Variants in CSMD1 observed in about 807,000 individuals in gnomAD.
CSMD1 encodes CUB and sushi domain-containing protein 1.
In CSMD1, 213 loss-of-function variants were observed where a neutral mutation model predicts 417.5. That is an observed-to-expected ratio of 0.51 (90% confidence interval 0.46 to 0.57). CSMD1 has a LOEUF of 0.57. Among genes scored for constraint, CSMD1 ranks in the 20% least tolerant of loss-of-function variants. The pLI is 0.00. For missense variants in CSMD1, 6,923 were observed against 4,529.7 expected, an observed-to-expected ratio of 1.53 and a Z score of -15.17; for synonymous variants, 2,862 against 1,736.8, an observed-to-expected ratio of 1.65 and a Z score of -16.11.
In CSMD1 at chr8:3,335,994, T is replaced by C. The variant is rs115763861; in HGVS notation, c.3631+7300A>G. Among the ~76,000 whole-genome samples the C allele has an allele frequency of 2.9e-3, 439 of 152,248 alleles. 2 individuals are homozygous for C. Among genetic ancestry groups the C allele is most frequent in the African/African-American group, 0.01 (428 of 41,550 alleles). ...GGGCTAATTTACATGCAGAGGACGA[T>C]GAGTAATCCTTAAGCCTAGAAAACA... On this transcript the variant is annotated intron_variant, in intron 23 of 69. Coordinates refer to ENST00000635120, the MANE Select transcript of CSMD1 (RefSeq NM_033225.6).
At chr8:3,049,848 G>A (rs922527567) in intron 50 of CSMD1, among the ~76,000 whole-genome samples, 1 of 152,054 alleles carries the variant, frequency 6.6e-6, no homozygotes, top group African/African-American at 2.4e-5. Context: ...ATAGTGGGGA[G>A]GTATGCACAT....
intron 3 of CSMD1, among the ~76,000 whole-genome samples, chr8:4,327,708 G>C (rs998490547): frequency 2.6e-5 from 4 of 152,168 alleles, no homozygotes; most frequent in Admixed American, 6.5e-5. Context: ...GGTATTAGAA[G>C]TTTAAAATGA....
At chr8:3,892,737 C>A (rs1410704748) in intron 5 of CSMD1, among the ~76,000 whole-genome samples, 1 of 86,318 alleles carries the variant, frequency 1.2e-5, no homozygotes. Context: ...TTTTTTTTTG[C>A]CACTTCTGTG....
Position 2,973,108 on chromosome 8 carries a change from G to GC in CSMD1, c.8923+8dup. On this transcript the variant is annotated intron_variant, in intron 57 of 69. Transcript: ENST00000635120. Reference sequence around the variant, plus strand: ...TTCAAGGTGGACCTTAAGGCTTCTGGCTACTCACCCTCACACACCGGCTGC... The same window carrying GC: ...TTCAAGGTGGACCTTAAGGCTTCTGGCCTACTCACCCTCACACACCGGCTGC... 1 of 1,611,846 alleles carries GC rather than the reference G, an allele frequency of 6.2e-7. No homozygotes were observed. Among genetic ancestry groups the GC allele is most frequent in the African/African-American group, 1.3e-5 (1 of 74,972 alleles).
intron 25 of CSMD1, among the ~76,000 whole-genome samples, chr8:3,296,976 T>G (rs905881284): frequency 6.6e-6 from 1 of 152,152 alleles, no homozygotes; most frequent in Non-Finnish European, 1.5e-5. Context: ...AACAAAGAAA[T>G]AGTTTATAAA....
At chr8:4,343,720 T>C (rs1266100345) in intron 3 of CSMD1, among the ~76,000 whole-genome samples, 1 of 152,120 alleles carries the variant, frequency 6.6e-6, no homozygotes, top group Non-Finnish European at 1.5e-5. Context: ...GAGCTTCGAC[T>C]AGGTCCATAA....
chr8:3,435,042 A>G (rs1445563049), intron 12 of CSMD1, among the ~76,000 whole-genome samples: 2 of 152,136 alleles, frequency 1.3e-5, no homozygotes, highest in East Asian at 3.9e-4. Flanking sequence ...CTGGTAGCAG[A>G]GAGGACAGAA....
At chr8:3,242,738 A>G (rs1413309611) in intron 26 of CSMD1, among the ~76,000 whole-genome samples, 1 of 151,464 alleles carries the variant, frequency 6.6e-6, no homozygotes, top group Non-Finnish European at 1.5e-5. Context: ...GAGAAAAGAG[A>G]GAGTAGAGAC....
chr8:3,958,575 G>T (rs1665182504), intron 5 of CSMD1, among the ~76,000 whole-genome samples: 1 of 152,030 alleles, frequency 6.6e-6, no homozygotes, highest in African/African-American at 2.4e-5. Flanking sequence ...TCATTTATCT[G>T]CTTGTTCTTT....
At chr8:3,865,874 A>G (rs972893698) in intron 5 of CSMD1, among the ~76,000 whole-genome samples, 5 of 152,220 alleles carry the variant, frequency 3.3e-5, no homozygotes, top group Non-Finnish European at 1.5e-5. Context: ...GTATACTAGA[A>G]TTATAAATAG....
chr8:3,010,682 A>C (rs1404026733), intron 52 of CSMD1, among the ~76,000 whole-genome samples: 2 of 147,476 alleles, frequency 1.4e-5, no homozygotes, highest in Non-Finnish European at 3.0e-5. Flanking sequence ...GGTTGCTCCC[A>C]CTCTCACCTG....
rs1182335321 is a variant in CSMD1, at chr8:4,788,327, G to A, written c.86-150769C>T. ...GAAGTAATGGTTTGGGACCAGTGAT[G>A]TCTGGGAACACTGCATATCCAGTTA... On this transcript the variant is annotated intron_variant, in intron 1 of 69. Transcript: ENST00000635120. 2.6e-5 allele frequency: 40 copies of A among 1,561,154 alleles called. 2 individuals carry two copies. Among genetic ancestry groups the A allele is most frequent in the African/African-American group, 2.3e-4 (17 of 74,094 alleles).
intron 11 of CSMD1, among the ~76,000 whole-genome samples, chr8:3,470,866 T>C (rs186720779): frequency 1.5e-3 from 221 of 152,346 alleles, no homozygotes; most frequent in African/African-American, 5.1e-3. Flanking sequence ...TTCCCTTTTA[T>C]CGCTGGGTAG....
chr8:3,790,039 T>G (rs1298488645), intron 5 of CSMD1, among the ~76,000 whole-genome samples: 1 of 152,200 alleles, frequency 6.6e-6, no homozygotes, highest in African/African-American at 2.4e-5. Context: ...CCGATCATGG[T>G]TAATATTAAT....
intron 12 of CSMD1, among the ~76,000 whole-genome samples, chr8:3,445,410 C>G (rs187531390): frequency 2.1e-4 from 32 of 152,228 alleles, no homozygotes; most frequent in African/African-American, 5.5e-4. Flanking sequence ...ATGACTGTGC[C>G]TACTTGCAGA....
chr8:3,874,100 T>A (rs1484775099), intron 5 of CSMD1, among the ~76,000 whole-genome samples: 1 of 152,200 alleles, frequency 6.6e-6, no homozygotes, highest in Non-Finnish European at 1.5e-5. Flanking sequence ...CAGGCTGGGT[T>A]CTTTCACTGC....
chr8:4,331,027 A>G (rs1799840959), intron 3 of CSMD1, among the ~76,000 whole-genome samples: 1 of 152,170 alleles, frequency 6.6e-6, no homozygotes, highest in African/African-American at 2.4e-5. Flanking sequence ...GCATTATCTT[A>G]CACATACTGC....
chr8:3,125,869 C>T (rs531038951), intron 41 of CSMD1, among the ~76,000 whole-genome samples: 3 of 152,060 alleles, frequency 2.0e-5, no homozygotes, highest in Non-Finnish European at 4.4e-5. Flanking sequence ...CCCAGCTACT[C>T]GGGAGGCTGA....
At chr8:4,660,113 G>GC (rs1804498215) in intron 1 of CSMD1, among the ~76,000 whole-genome samples, 1 of 66,414 alleles carries the variant, frequency 1.5e-5, no homozygotes, top group Non-Finnish European at 2.9e-5. Flanking sequence ...CTCAACCAGT[G>GC]CAAAAAAAAA....
Sources: gnomAD v4.1 joint callset for allele counts (sites outside exome capture counted in the v4.1 genomes callset) on GRCh38, gnomAD v4.1.1 for gene constraint, MANE v1.5 for transcripts, NCBI Gene and HGNC (gene_info 2026-07-23, HGNC 2026-07-21) for gene names.